GRIK3: variants seen among roughly 807,000 people sequenced by gnomAD.
GRIK3 encodes the protein glutamate ionotropic receptor kainate type subunit 3.
A neutral mutation model predicts 102.5 loss-of-function variants in GRIK3; 29 were observed. The observed-to-expected ratio is 0.28, with a 90% CI of 0.21 to 0.39. The LOEUF is 0.39. Among genes scored for constraint, GRIK3 ranks in the 10% least tolerant of loss-of-function variants. The pLI is 1.00. For missense variants in GRIK3, 908 were observed against 1,252.4 expected (o/e 0.73, Z 4.15); for synonymous variants, 511 against 504.9 (o/e 1.01, Z -0.16).
chr1:36,844,275 G>A (rs890577951), intron 9 of GRIK3, among the ~76,000 whole-genome samples: 4 of 152,220 alleles, frequency 2.6e-5, no homozygotes, highest in Non-Finnish European at 4.4e-5. Flanking sequence ...TCGGCTAGGC[G>A]CCATGCTTAA....
rs151032704 is a variant in GRIK3 at position 36,866,397 on chromosome 1, C to T, written c.786+3351G>A. Among the ~76,000 whole-genome samples, 1,035 of 152,228 alleles carry T rather than the reference C, an allele frequency of 6.8e-3. 12 individuals carry two copies. Among genetic ancestry groups the T allele is most frequent in the African/African-American group, 0.021 (887 of 41,542 alleles). On this transcript the variant is annotated intron_variant, in intron 5 of 15. Transcript: ENST00000373091. ...TTTGGAGCTGGACAGCTCCCTGCTG[C>T]GAAAAAATCCTTGCTCTGCTCCTTT...
intron 1 of GRIK3, among the ~76,000 whole-genome samples, chr1:36,962,187 T>C (rs1472661086): frequency 6.6e-6 from 1 of 152,186 alleles, no homozygotes; most frequent in African/African-American, 2.4e-5. Context: ...TACCTGCTTC[T>C]GAACAGGTTC....
chr1:36,822,413 C>G (rs1013057895), intron 11 of GRIK3, among the ~76,000 whole-genome samples: 1 of 152,120 alleles, frequency 6.6e-6, no homozygotes, highest in Middle Eastern at 3.2e-3. Flanking sequence ...GTGGAGGCCA[C>G]GAGGATCCTG....
At chr1:36,859,794 A>C in intron 6 of GRIK3, 50 bp downstream of exon 6, 1 of 1,382,260 alleles carries the variant, frequency 7.2e-7, no homozygotes, top group Non-Finnish European at 1.0e-6. Flanking sequence ...GAAGAAAAGA[A>C]GGGAGGCAGG....
chr1:36,906,743 A>G (rs1387901781), intron 1 of GRIK3, among the ~76,000 whole-genome samples: 1 of 152,256 alleles, frequency 6.6e-6, no homozygotes, highest in African/African-American at 2.4e-5. Context: ...GTGTTTCAAT[A>G]AAACTTTATT....
At chr1:36,840,676 G>C (rs1033303929) in intron 10 of GRIK3, among the ~76,000 whole-genome samples, 2 of 152,074 alleles carry the variant, frequency 1.3e-5, no homozygotes, top group Non-Finnish European at 2.9e-5. Context: ...ACAGTGAGCT[G>C]TGATGGCACC....
intron 1 of GRIK3, among the ~76,000 whole-genome samples, chr1:37,008,109 C>G (rs754144542): frequency 1.3e-5 from 2 of 152,172 alleles, no homozygotes; most frequent in Admixed American, 6.5e-5. Flanking sequence ...TCCCAGCACG[C>G]GGAGGGGCCT....
intron 10 of GRIK3, among the ~76,000 whole-genome samples, chr1:36,832,520 G>C (rs1640318065): frequency 6.6e-6 from 1 of 152,312 alleles, no homozygotes; most frequent in East Asian, 1.9e-4. Flanking sequence ...TTTGAACAGA[G>C]GGGAAACAGG....
intron 2 of GRIK3, among the ~76,000 whole-genome samples, chr1:36,888,465 T>C (rs113059944): frequency 6.6e-6 from 1 of 152,140 alleles, no homozygotes; most frequent in African/African-American, 2.4e-5. Context: ...TTTTTCTTGA[T>C]CTAGCTTGAG....
intron 1 of GRIK3, among the ~76,000 whole-genome samples, chr1:36,959,460 G>A (rs1641972328): frequency 1.5e-5 from 2 of 129,458 alleles, no homozygotes; most frequent in African/African-American, 5.4e-5. Flanking sequence ...TGCCCCATGA[G>A]CCTGTGTGGC....
chr1:36,896,892 A>G (rs899290659), intron 1 of GRIK3, among the ~76,000 whole-genome samples: 2 of 152,170 alleles, frequency 1.3e-5, no homozygotes, highest in African/African-American at 4.8e-5. Flanking sequence ...AGAATAAAGG[A>G]AAAAAATGCG....
intron 13 of GRIK3, among the ~76,000 whole-genome samples, chr1:36,811,759 C>G (rs879331695): frequency 1.3e-5 from 2 of 152,154 alleles, no homozygotes; most frequent in African/African-American, 2.4e-5. Flanking sequence ...GAAGAGAAAG[C>G]CTTTGACCTA....
chr1:36,802,133 C>T (rs200234645), intron 15 of GRIK3, 88 bp from the exon 16 acceptor site: 1 of 938,824 alleles, frequency 1.1e-6, no homozygotes, highest in African/African-American at 1.7e-5. Context: ...CCCTTTCTCC[C>T]AGAGTCTGTG....
At chr1:37,001,710 T>C (rs1483397534) in intron 1 of GRIK3, among the ~76,000 whole-genome samples, 2 of 152,230 alleles carry the variant, frequency 1.3e-5, no homozygotes, top group African/African-American at 4.8e-5. Flanking sequence ...GTTTGGATTT[T>C]CCCAGAGGCA....
chr1:36,897,338 T>A (rs192378263), intron 1 of GRIK3, among the ~76,000 whole-genome samples: 2 of 152,330 alleles, frequency 1.3e-5, no homozygotes, highest in East Asian at 3.9e-4. Flanking sequence ...TGCATTTCTA[T>A]ACCTAACAAT....
At chr1:36,911,373 T>C (rs1295139451) in intron 1 of GRIK3, among the ~76,000 whole-genome samples, 1 of 152,150 alleles carries the variant, frequency 6.6e-6, no homozygotes, top group Non-Finnish European at 1.5e-5. Flanking sequence ...GAAACAGAGA[T>C]ATTAATAGTG....
chr1:37,017,173 C>T (rs1292021779), intron 1 of GRIK3, among the ~76,000 whole-genome samples: 1 of 150,914 alleles, frequency 6.6e-6, no homozygotes, highest in African/African-American at 2.4e-5. Context: ...CGAGATTGCA[C>T]CACTGCAGTC....
At chr1:36,870,300 G>A (rs978275738) in intron 4 of GRIK3, among the ~76,000 whole-genome samples, 16 of 152,248 alleles carry the variant, frequency 1.1e-4, no homozygotes, top group African/African-American at 3.9e-4. Flanking sequence ...CCCAAGAAGG[G>A]CTGAGGCATC....
intron 1 of GRIK3, among the ~76,000 whole-genome samples, chr1:36,971,444 C>T (rs1642140569): frequency 6.6e-6 from 1 of 152,128 alleles, no homozygotes; most frequent in East Asian, 1.9e-4. Flanking sequence ...AACCAGTCTA[C>T]CCCTAGACTG....
Sources: gnomAD v4.1 joint callset for allele counts (sites outside exome capture counted in the v4.1 genomes callset) on GRCh38, gnomAD v4.1.1 for gene constraint, MANE v1.5 for transcripts, NCBI Gene and HGNC (gene_info 2026-07-23, HGNC 2026-07-21) for gene names.